ITGA3: variants seen among roughly 807,000 people sequenced by gnomAD.
ITGA3 encodes the protein integrin subunit alpha 3, also known as integrin alpha-3.
Under a neutral mutation model 131.1 loss-of-function variants are expected in ITGA3, and 70 were observed. That is an observed-to-expected ratio of 0.53 (90% CI 0.44 to 0.65). ITGA3 has a LOEUF of 0.65. Among genes scored for constraint, ITGA3 ranks in the 30% least tolerant of loss-of-function variants. The probability of loss-of-function intolerance (pLI) is 0.00; values close to 1 mark genes in which losing one functional copy is unlikely to be tolerated. For missense variants in ITGA3, 1,098 were observed against 1,388.6 expected, an observed-to-expected ratio of 0.79 and a Z score of 3.33; for synonymous variants, 537 against 571.6, an observed-to-expected ratio of 0.94 and a Z score of 0.86.
At chr17:50,070,055 C>T (rs77499525) in intron 4 of ITGA3, among the ~76,000 whole-genome samples, 10 of 152,200 alleles carry the variant, frequency 6.6e-5, no homozygotes, top group Non-Finnish European at 1.5e-4. Flanking sequence ...CCTCCCACCC[C>T]CTGGTCATGT....
At chr17:50,072,318 G>A (rs1598187518) in intron 7 of ITGA3, 136 bp downstream of exon 7, 1 of 747,326 alleles carries the variant, frequency 1.3e-6, no homozygotes, top group Admixed American at 2.6e-5. Context: ...GACCTGGGGA[G>A]CTCGCAGCAG....
chr17:50,090,270 C>G lies in ITGA3; in HGVS notation c.*1192C>G, dbSNP rs1460339447. 2.2e-6 allele frequency: 1 copy of G among 456,514 alleles called. No individual in the cohort carries two copies. The highest frequency in any genetic ancestry group is 4.4e-6 in the Non-Finnish European group (1 of 226,906). 28.3% of individuals were successfully genotyped at this position (456,514 alleles called of 1,614,324 possible). On this transcript the variant is annotated 3_prime_UTR_variant, in exon 26 of 26. Coordinates refer to ENST00000320031, the MANE Select transcript of ITGA3 (RefSeq NM_002204.4). Reference sequence around the variant, plus strand: ...CTTGGCTTTCAGAGCCAGCCTGGCTCTGCCCCCTCCCCCATGGGCTGTGTC... The same window carrying G: ...CTTGGCTTTCAGAGCCAGCCTGGCTGTGCCCCCTCCCCCATGGGCTGTGTC...
chr17:50,061,965 G>A (rs772606100), intron 1 of ITGA3, among the ~76,000 whole-genome samples: 24 of 151,790 alleles, frequency 1.6e-4, no homozygotes, highest in Non-Finnish European at 2.7e-4. Context: ...ACTTGCACCC[G>A]GGAGGCGGAG....
At chr17:50,061,485 C>A (rs536733738) in intron 1 of ITGA3, among the ~76,000 whole-genome samples, 1 of 152,018 alleles carries the variant, frequency 6.6e-6, no homozygotes, top group East Asian at 1.9e-4. Flanking sequence ...CCATTACAGG[C>A]GTGCCCAAGG....
chr17:50,071,376 C>T lies in ITGA3; in HGVS notation c.817C>T (p.Pro273Ser). 6.2e-7 allele frequency: 1 copy of T among 1,614,162 alleles called. No homozygotes were observed. The highest frequency in any genetic ancestry group is 8.5e-7 in the Non-Finnish European group (1 of 1,180,026). ...PKNITIVTGAPRHRHMGAVFL... is the reference protein window; with the variant it reads ...PKNITIVTGASRHRHMGAVFL... ...AAACATCACCATTGTGACAGGTGCC[C>T]CACGGCACCGACATATGGGCGCGGT... is the stretch of plus-strand genomic sequence containing the variant. Residue 273 changes from proline to serine, a missense_variant, in exon 6 of 26, where the codon CCA becomes TCA. Around this residue, in one of 3 missense-constraint regions of ITGA3, gnomAD observed 356 missense variants for 529.2 expected, o/e 0.67. Transcript: ENST00000320031.
Position 50,077,419 on chromosome 17 carries a change from TG to T in ITGA3, c.2115del (p.Asn706ThrfsTer20). On this transcript the variant is annotated frameshift_variant, in exon 16 of 26. Coordinates refer to ENST00000320031, the MANE Select transcript of ITGA3 (RefSeq NM_002204.4). LOFTEE classifies it high-confidence loss of function. ...GCTAATGAGACCATCTTTTGCGAGC[TG>T]GGGAACCCCTTCAAACGGAACCAGA... is the stretch of plus-strand genomic sequence containing the variant. ...CQANETIFCE[L>X]GNPFKRNQRM... 1 of 1,614,058 alleles carries T rather than the reference TG, an allele frequency of 6.2e-7. No individual in the cohort carries two copies. The highest frequency in any genetic ancestry group is 8.5e-7 in the Non-Finnish European group (1 of 1,179,938).
At position 50,071,699 on chromosome 17, in the gene ITGA3, C is replaced by T. The variant is rs968442272; in HGVS notation, c.959+181C>T. 5 of 645,080 alleles carry T rather than the reference C, an allele frequency of 7.8e-6. No individual in the cohort carries two copies. In the Admixed American group the frequency reaches 1.5e-4, roughly 19 times the overall value. 40.0% of individuals were successfully genotyped at this position (645,080 alleles called of 1,614,324 possible). A position where few individuals can be genotyped will look rare whatever the true frequency, so the allele number is the denominator to read the frequency against. ...CCTGCACATGGCATTTGTGGGACCC[C>T]TGCGTTTGCTTGTTTCTGCTTGGGA... is the stretch of plus-strand genomic sequence containing the variant. On this transcript the variant is annotated intron_variant, in intron 6 of 25. Coordinates refer to ENST00000320031, the MANE Select transcript of ITGA3 (RefSeq NM_002204.4).
At position 50,064,639 on chromosome 17, in the gene ITGA3, C is replaced by T. The variant is rs2144265078; in HGVS notation, c.414+32C>T. 1 of 1,560,506 alleles carries T rather than the reference C, an allele frequency of 6.4e-7. No individual in the cohort carries two copies. The highest frequency in any genetic ancestry group is 8.8e-7 in the Non-Finnish European group (1 of 1,142,218). ...GGGTGCTCAGTGTTGGCTCCTCCAC[C>T]TCTACCCGGCTCTCCCCTCATCTCC... On this transcript the variant is annotated intron_variant, in intron 3 of 25. Transcript: ENST00000320031. This position sits in a 1 kb window ranked among gnomAD's most constrained non-coding sequence, Gnocchi z 4.4.
chr17:50,061,156 A>G (rs900202281), intron 1 of ITGA3, among the ~76,000 whole-genome samples: 51 of 152,172 alleles, frequency 3.4e-4, no homozygotes, highest in Middle Eastern at 3.4e-3. Context: ...CTCACTCTGG[A>G]ATCTCTGAGG....
chr17:50,074,034 C>T (rs769472839), intron 8 of ITGA3, 30 bp downstream of exon 8: 2 of 1,570,322 alleles, frequency 1.3e-6, no homozygotes, highest in East Asian at 2.2e-5. Context: ...GGTCTGCTGC[C>T]CCCACCAGCC....
Position 50,063,503 on chromosome 17 carries a change from A to T in ITGA3, c.207-574A>T, listed in dbSNP as rs1275602095. 5 of 153,194 alleles carry T rather than the reference A, an allele frequency of 3.3e-5. No individual in the cohort carries two copies. In the East Asian group the frequency reaches 9.6e-4, roughly 29 times the overall value. The allele number at this position is 153,194 out of a possible 1,614,324, so 9.5% of individuals were successfully genotyped here. A position where few individuals can be genotyped will look rare whatever the true frequency, so the allele number is the denominator to read the frequency against. On this transcript the variant is annotated intron_variant, in intron 1 of 25. Coordinates refer to ENST00000320031, the MANE Select transcript of ITGA3 (RefSeq NM_002204.4). ...CCCAGAATTTGAACTCTCTGCCAGG[A>T]TTCCTCATCTTGCTCTCTTCTGGTC...
intron 4 of ITGA3, among the ~76,000 whole-genome samples, chr17:50,070,009 C>T (rs756327683): frequency 9.9e-5 from 15 of 152,192 alleles, no homozygotes; most frequent in Non-Finnish European, 1.5e-4. Flanking sequence ...CTGGGCTCAC[C>T]GAAGGCTGAG....
chr17:50,076,951 G>C (rs1369688320), intron 14 of ITGA3, 23 bp from the exon 15 acceptor site: 1 of 1,589,270 alleles, frequency 6.3e-7, no homozygotes, highest in Non-Finnish European at 8.6e-7. Context: ...GCTCTTGGCT[G>C]AGTCCTGGGC....
Position 50,064,410 on chromosome 17 carries a change from T to G in ITGA3, c.335-118T>G, listed in dbSNP as rs1908233014. The G allele has an allele frequency of 1.1e-5, 13 of 1,153,856 alleles. No individual in the cohort carries two copies. Among genetic ancestry groups the G allele is most frequent in the Non-Finnish European group, 1.6e-5 (13 of 812,176 alleles). 71.5% of individuals were successfully genotyped at this position (1,153,856 alleles called of 1,614,324 possible). ...TAATGACGAGCTGGAGAAGGGGAGT[T>G]GGGAGGGCTGCCCTGTGGGTGGAGG... On this transcript the variant is annotated intron_variant, in intron 2 of 25. Transcript: ENST00000320031. The surrounding 1 kb of genome is among the most constrained non-coding windows in gnomAD (Gnocchi z 4.4).
intron 23 of ITGA3, 169 bp from the exon 24 acceptor site, chr17:50,087,575 A>G: frequency 1.5e-6 from 1 of 653,106 alleles, no homozygotes. Flanking sequence ...AGCAGGAAGG[A>G]CCACTGGACC....
At chr17:50,068,853 TA>T (rs1908471916) in intron 4 of ITGA3, among the ~76,000 whole-genome samples, 1 of 122,458 alleles carries the variant, frequency 8.2e-6, no homozygotes, top group African/African-American at 2.6e-5. Context: ...TTTATTTATT[TA>T]TTTATTTTTT....
In ITGA3 at chr17:50,076,963, C is replaced by T. The variant is rs1272163338; in HGVS notation, c.1923-11C>T. On this transcript the variant is annotated splice_polypyrimidine_tract_variant and intron_variant, in intron 14 of 25. Coordinates refer to ENST00000320031, the MANE Select transcript of ITGA3 (RefSeq NM_002204.4). ...GGGGCTCTTGGCTGAGTCCTGGGCT[C>T]CTGCTCTCAGGCTCCAGTACAGCAG... 1 of 1,600,170 alleles carries T rather than the reference C, an allele frequency of 6.2e-7. No individual in the cohort carries two copies. The highest frequency in any genetic ancestry group is 1.1e-5 in the South Asian group (1 of 89,896).
At chr17:50,071,187 C>T in intron 5 of ITGA3, 124 bp from the exon 6 acceptor site, 1 of 903,408 alleles carries the variant, frequency 1.1e-6, no homozygotes, top group Non-Finnish European at 1.7e-6. Context: ...CTTTCTTGCC[C>T]TACTTGGAAT....
Position 50,064,338 on chromosome 17 carries a change from G to T in ITGA3, c.334+134G>T. The T allele has an allele frequency of 7.9e-7, 1 of 1,266,076 alleles. No individual in the cohort carries two copies. The highest frequency in any genetic ancestry group is 1.5e-5 in the African/African-American group (1 of 68,012). The allele number at this position is 1,266,076 out of a possible 1,614,324, so 78.4% of individuals were successfully genotyped here. On this transcript the variant is annotated intron_variant, in intron 2 of 25. Transcript: ENST00000320031. This position sits in a 1 kb window ranked among gnomAD's most constrained non-coding sequence, Gnocchi z 4.4. ...CGCTTCTTGTCCAGCTGGGAAGAGG[G>T]TGCCCTAGAGGAGAGTGGGGCTGGA...
Sources: gnomAD v4.1 joint callset for allele counts (sites outside exome capture counted in the v4.1 genomes callset) on GRCh38, gnomAD v4.1.1 for gene constraint, gnomAD v4.1.1 regional missense constraint, Gnocchi (gnomAD v3.1) non-coding constraint, MANE v1.5 for transcripts, NCBI Gene and HGNC (gene_info 2026-07-23, HGNC 2026-07-21) for gene names.